ATG5: variants seen among roughly 807,000 people sequenced by gnomAD.
ATG5 encodes the protein autophagy protein 5.
Under a neutral mutation model 36.5 loss-of-function variants are expected in ATG5, and 14 were observed. That is an observed-to-expected ratio of 0.38 (90% CI 0.25 to 0.60). The LOEUF (loss-of-function observed/expected upper bound fraction) is 0.60. Ranked by LOEUF, ATG5 falls within the 20% of genes least tolerant of loss-of-function variation. The pLI, the probability that ATG5 is intolerant of heterozygous loss-of-function variation, is 0.60. For missense variants in ATG5, 195 were observed against 326.7 expected (o/e 0.60, Z 3.11); for synonymous variants, 95 against 101.5 (o/e 0.94, Z 0.38).
chr6:106,198,778 A>G (rs963193033), intron 7 of ATG5, among the ~76,000 whole-genome samples: 13 of 54,514 alleles, frequency 2.4e-4, no homozygotes, highest in African/African-American at 8.7e-4. Context: ...CCTGTCTGGG[A>G]AAAAAAAAAG....
At chr6:106,273,732 A>G (rs553323111) in intron 5 of ATG5, among the ~76,000 whole-genome samples, 2 of 152,342 alleles carry the variant, frequency 1.3e-5, no homozygotes, top group African/African-American at 4.8e-5. Context: ...ATAATTTCTC[A>G]GTCTACTTAT....
intron 5 of ATG5, among the ~76,000 whole-genome samples, chr6:106,269,403 C>CA (rs1779355222): frequency 6.6e-6 from 1 of 152,138 alleles, no homozygotes; most frequent in African/African-American, 2.4e-5. Flanking sequence ...GCGCCGTGCC[C>CA]CGCACTCCTC....
intron 5 of ATG5, among the ~76,000 whole-genome samples, chr6:106,248,848 G>A (rs1778452945): frequency 6.6e-6 from 1 of 152,164 alleles, no homozygotes; most frequent in East Asian, 1.9e-4. Context: ...TGAGGCAGGA[G>A]AATTGCTTGA....
chr6:106,315,372 T>C (rs999684636), intron 2 of ATG5, among the ~76,000 whole-genome samples: 2 of 152,166 alleles, frequency 1.3e-5, no homozygotes, highest in East Asian at 3.8e-4. Flanking sequence ...TTGCCTATTA[T>C]GGGCTATTCA....
intron 5 of ATG5, among the ~76,000 whole-genome samples, chr6:106,256,954 A>G (rs776286566): frequency 2.6e-5 from 4 of 152,220 alleles, no homozygotes; most frequent in Non-Finnish European, 5.9e-5. Context: ...GTCTTTTGTA[A>G]TAACACTTAG....
intron 2 of ATG5, among the ~76,000 whole-genome samples, chr6:106,311,668 T>C (rs1317530077): frequency 6.6e-6 from 1 of 151,832 alleles, no homozygotes; most frequent in Non-Finnish European, 1.5e-5. Flanking sequence ...GTAAACTAAA[T>C]GAAAGATCCT....
At chr6:106,190,063 T>C (rs1259667176) in intron 7 of ATG5, among the ~76,000 whole-genome samples, 3 of 152,212 alleles carry the variant, frequency 2.0e-5, no homozygotes, top group Admixed American at 2.0e-4. Flanking sequence ...TATACCATGA[T>C]ATATAAAATA....
At chr6:106,286,433 A>G (rs1464425277) in intron 4 of ATG5, among the ~76,000 whole-genome samples, 2 of 152,346 alleles carry the variant, frequency 1.3e-5, no homozygotes, top group East Asian at 3.9e-4. Context: ...TTACTCTGTC[A>G]CGGCTAAAAG....
At chr6:106,205,898 A>G (rs907455275) in intron 6 of ATG5, among the ~76,000 whole-genome samples, 6 of 152,202 alleles carry the variant, frequency 3.9e-5, no homozygotes, top group African/African-American at 9.6e-5. Flanking sequence ...CAAAAACTCA[A>G]TATACCCCAA....
chr6:106,190,713 A>G (rs1452462249), intron 7 of ATG5, among the ~76,000 whole-genome samples: 1 of 152,180 alleles, frequency 6.6e-6, no homozygotes, highest in Admixed American at 6.5e-5. Context: ...TTTTGGTTAT[A>G]TGATTAGAAT....
chr6:106,288,005 C>T (rs529299036), intron 4 of ATG5, among the ~76,000 whole-genome samples: 2 of 149,810 alleles, frequency 1.3e-5, no homozygotes, highest in Non-Finnish European at 3.0e-5. Flanking sequence ...GGAGTCTACT[C>T]TGTTGCCCAG....
At chr6:106,274,750 T>C (rs1562249900) in intron 5 of ATG5, among the ~76,000 whole-genome samples, 1 of 152,124 alleles carries the variant, frequency 6.6e-6, no homozygotes, top group East Asian at 1.9e-4. Context: ...AGGAATAAAA[T>C]AAAGAAGTCA....
At chr6:106,278,924 A>G (rs1301099336) in intron 5 of ATG5, among the ~76,000 whole-genome samples, 2 of 152,232 alleles carry the variant, frequency 1.3e-5, no homozygotes, top group African/African-American at 4.8e-5. Context: ...AACTAGCAAT[A>G]AAGTTTGCAT....
intron 6 of ATG5, among the ~76,000 whole-genome samples, chr6:106,230,549 GGTT>G (rs1474040889): frequency 1.3e-5 from 2 of 152,092 alleles, no homozygotes; most frequent in Non-Finnish European, 2.9e-5. Flanking sequence ...GTCCATGGGT[GGTT>G]ACACACCCCG....
chr6:106,194,863 TG>T (rs1402942996), intron 7 of ATG5, among the ~76,000 whole-genome samples: 1 of 152,220 alleles, frequency 6.6e-6, no homozygotes, highest in Non-Finnish European at 1.5e-5. Flanking sequence ...ATAGGTGTTT[TG>T]TATTCTCCAA....
chr6:106,270,045 A>G (rs1009242874), intron 5 of ATG5, among the ~76,000 whole-genome samples: 1 of 152,248 alleles, frequency 6.6e-6, no homozygotes, highest in African/African-American at 2.4e-5. Context: ...ACTCACTGCC[A>G]AGTCTACCCA....
At position 106,322,307 on chromosome 6, in the gene ATG5, GA is replaced by G. The variant is rs1771113863; in HGVS notation, c.-59+3218del. On this transcript the variant is annotated intron_variant, in intron 1 of 7. Coordinates refer to ENST00000369076, the MANE Select transcript of ATG5 (RefSeq NM_004849.4). The stretch of plus-strand genomic sequence containing the variant: ...TAGTTTCTTTCACACTACATACCAA[GA>G]AAAACTAACCTACTACCTGAAGTAA... Among the ~76,000 whole-genome samples, 5 of 152,152 alleles carry G rather than the reference GA, an allele frequency of 3.3e-5. No homozygotes were observed. The South Asian group carries it at 1.0e-3, about 32-fold the overall frequency.
At chr6:106,294,574 T>G (rs1780454798) in intron 3 of ATG5, among the ~76,000 whole-genome samples, 1 of 151,862 alleles carries the variant, frequency 6.6e-6, no homozygotes, top group Non-Finnish European at 1.5e-5. Context: ...TCCCAACACT[T>G]TGGGGGGCCA....
chr6:106,319,753 G>A (rs975308807), intron 1 of ATG5, among the ~76,000 whole-genome samples: 8 of 152,152 alleles, frequency 5.3e-5, no homozygotes, highest in East Asian at 1.9e-4. Flanking sequence ...AATAGATTCC[G>A]TTAGGGAGAA....
Sources: gnomAD v4.1 joint callset for allele counts (sites outside exome capture counted in the v4.1 genomes callset) on GRCh38, gnomAD v4.1.1 for gene constraint, MANE v1.5 for transcripts, NCBI Gene and HGNC (gene_info 2026-07-23, HGNC 2026-07-21) for gene names.